Variants in GLRA3 observed in about 807,000 individuals in gnomAD.
GLRA3 encodes glycine receptor alpha 3.
In GLRA3, 44 loss-of-function variants were observed where a neutral mutation model predicts 60.4. The ratio of observed to expected loss-of-function variants is 0.73; its 90% CI spans 0.57 to 0.94. GLRA3 has a LOEUF of 0.94. Ranked by LOEUF, GLRA3 falls within the 40% of genes least tolerant of loss-of-function variation. The probability of loss-of-function intolerance (pLI) is 0.00; values close to 1 mark genes in which losing one functional copy is unlikely to be tolerated. For synonymous variants in GLRA3, 223 were observed against 192.9 expected, an observed-to-expected ratio of 1.16 and a Z score of -1.29; for missense variants, 508 against 564.6, an observed-to-expected ratio of 0.90 and a Z score of 1.02.
At chr4:174,698,190 AT>A (rs1366563718) in intron 5 of GLRA3, among the ~76,000 whole-genome samples, 1 of 151,788 alleles carries the variant, frequency 6.6e-6, no homozygotes, top group African/African-American at 2.4e-5. Context: ...TTTATTTTTG[AT>A]ATATTTATAT....
At chr4:174,673,197 A>G (rs1733977465) in intron 7 of GLRA3, among the ~76,000 whole-genome samples, 1 of 152,110 alleles carries the variant, frequency 6.6e-6, no homozygotes, top group East Asian at 1.9e-4. Flanking sequence ...ATTGCTGTAT[A>G]TTTCAAGATT....
intron 5 of GLRA3, among the ~76,000 whole-genome samples, chr4:174,711,046 ATTTG>A (rs1024027611): frequency 1.1e-4 from 16 of 151,958 alleles, no homozygotes; most frequent in Non-Finnish European, 2.1e-4. Flanking sequence ...GTCATTTAGT[ATTTG>A]TTTTTCATTC....
intron 3 of GLRA3, among the ~76,000 whole-genome samples, chr4:174,741,108 C>G (rs1030930681): frequency 6.6e-6 from 1 of 152,128 alleles, no homozygotes; most frequent in Non-Finnish European, 1.5e-5. Context: ...AGTGAGATTA[C>G]TGGGTCATAT....
At chr4:174,681,709 G>A (rs572298901) in intron 6 of GLRA3, among the ~76,000 whole-genome samples, 1 of 152,268 alleles carries the variant, frequency 6.6e-6, no homozygotes, top group South Asian at 2.1e-4. Context: ...CATTTCTGTT[G>A]TTTTAAGACA....
At chr4:174,711,804 T>A (rs1465052287) in intron 5 of GLRA3, among the ~76,000 whole-genome samples, 1 of 152,194 alleles carries the variant, frequency 6.6e-6, no homozygotes. Context: ...AATTTTTTTC[T>A]GGTTAAAATT....
chr4:174,713,081 A>T (rs1248740494), intron 5 of GLRA3, among the ~76,000 whole-genome samples: 2 of 152,084 alleles, frequency 1.3e-5, no homozygotes, highest in Admixed American at 1.3e-4. Context: ...TTCTACTTTG[A>T]CTGACATTAG....
At chr4:174,724,015 T>C (rs1205895811) in intron 4 of GLRA3, among the ~76,000 whole-genome samples, 1 of 151,340 alleles carries the variant, frequency 6.6e-6, no homozygotes, top group East Asian at 1.9e-4. Flanking sequence ...TATATATGTA[T>C]ATTTTTACAT....
chr4:174,705,162 G>T (rs1294138371), intron 5 of GLRA3, among the ~76,000 whole-genome samples: 1 of 143,884 alleles, frequency 7.0e-6, no homozygotes, highest in Non-Finnish European at 1.5e-5. Context: ...GAGTTAAGAG[G>T]CGAGACCTTT....
chr4:174,661,898 G>T (rs892622207), intron 7 of GLRA3, among the ~76,000 whole-genome samples: 4 of 152,188 alleles, frequency 2.6e-5, no homozygotes, highest in African/African-American at 9.6e-5. Context: ...AGAGTAAAAA[G>T]AAAAGCTACG....
chr4:174,641,005 A>G lies in GLRA3; in HGVS notation c.*2781T>C, dbSNP rs1179189361. On this transcript the variant is annotated 3_prime_UTR_variant, in exon 10 of 10. Transcript: ENST00000274093. ...AGAGCCTCATTATGGTTTAAGTTCA[A>G]TTCTAATGGTTGGGAAAGAAAGAAA... 6.6e-6 allele frequency: 1 copy of G among 152,036 alleles called. No homozygotes were observed. Among genetic ancestry groups the G allele is most frequent in the Middle Eastern group, 3.2e-3 (1 of 312 alleles). 9.4% of individuals were successfully genotyped at this position (152,036 alleles called of 1,614,324 possible).
At chr4:174,732,717 T>G (rs1028656812) in intron 3 of GLRA3, among the ~76,000 whole-genome samples, 2 of 152,064 alleles carry the variant, frequency 1.3e-5, no homozygotes, top group Non-Finnish European at 2.9e-5. Context: ...GCTGGAGATA[T>G]AATGTATGGC....
At chr4:174,717,282 A>G (rs1361040527) in intron 4 of GLRA3, among the ~76,000 whole-genome samples, 6 of 148,930 alleles carry the variant, frequency 4.0e-5, no homozygotes, top group Admixed American at 6.7e-5. Context: ...GAGAGAGAGA[A>G]AGAGAGAGAA....
rs1232395014 is a variant in GLRA3, at chr4:174,641,710, A to C, written c.*2076T>G. On this transcript the variant is annotated 3_prime_UTR_variant, in exon 10 of 10. Transcript: ENST00000274093. ...ATGTCTGTGAATTTCTTTTGGAAGTAAGCATGTTTGCATTCATTATATTTC... is the reference window on the plus strand; with the variant it reads ...ATGTCTGTGAATTTCTTTTGGAAGTCAGCATGTTTGCATTCATTATATTTC... The C allele has an allele frequency of 6.6e-6, 1 of 152,060 alleles. No individual in the cohort carries two copies. The highest frequency in any genetic ancestry group is 1.5e-5 in the Non-Finnish European group (1 of 67,934). The allele number at this position is 152,060 out of a possible 1,614,324, so 9.4% of individuals were successfully genotyped here.
At chr4:174,817,793 G>T (rs557704339) in intron 1 of GLRA3, among the ~76,000 whole-genome samples, 1 of 152,184 alleles carries the variant, frequency 6.6e-6, no homozygotes, top group South Asian at 2.1e-4. Flanking sequence ...TTTTAGTAGA[G>T]ATGGGGTTTC....
At chr4:174,644,855 A>C (rs1732755031) in intron 9 of GLRA3, among the ~76,000 whole-genome samples, 1 of 140,278 alleles carries the variant, frequency 7.1e-6, no homozygotes, top group Non-Finnish European at 1.6e-5. Context: ...ATAAAGAAAA[A>C]TTTAAATAAA....
intron 2 of GLRA3, among the ~76,000 whole-genome samples, chr4:174,769,149 T>C (rs981109146): frequency 1.3e-5 from 2 of 152,106 alleles, no homozygotes; most frequent in Non-Finnish European, 2.9e-5. Flanking sequence ...TTTACCTCAA[T>C]TTCTCTACAT....
rs1313702365 is a variant in GLRA3 at position 174,643,142 on chromosome 4, G to T, written c.*644C>A. On this transcript the variant is annotated 3_prime_UTR_variant, in exon 10 of 10. Coordinates refer to ENST00000274093, the MANE Select transcript of GLRA3 (RefSeq NM_006529.4). ...GAAAAGTAGATTGTGACTGTAACACGATCTCTTGTTATTTGTTTTAAATTT... is the reference window on the plus strand; with the variant it reads ...GAAAAGTAGATTGTGACTGTAACACTATCTCTTGTTATTTGTTTTAAATTT... 2.2e-5 allele frequency: 19 copies of T among 868,802 alleles called. No homozygotes were observed. In the African/African-American group the frequency reaches 2.6e-4, roughly 12 times the overall value. The allele number at this position is 868,802 out of a possible 1,614,324, so 53.8% of individuals were successfully genotyped here. A position where few individuals can be genotyped will look rare whatever the true frequency, so the allele number is the denominator to read the frequency against.
intron 3 of GLRA3, among the ~76,000 whole-genome samples, chr4:174,737,870 T>TC (rs1438839413): frequency 6.6e-6 from 1 of 152,222 alleles, no homozygotes; most frequent in Non-Finnish European, 1.5e-5. Context: ...TTTTCAGAAA[T>TC]TTAAACCACT....
Position 174,767,033 on chromosome 4 carries a change from GA to G in GLRA3, c.200-4del. On this transcript the variant is annotated splice_polypyrimidine_tract_variant and splice_region_variant and intron_variant, in intron 2 of 9. Coordinates refer to ENST00000274093, the MANE Select transcript of GLRA3 (RefSeq NM_006529.4). ...GCATGTGACATTAACTGGAGGGCCT[GA>G]AAAAGAGATGAAAACATAAGGGCTG... 1 of 1,572,018 alleles carries G rather than the reference GA, an allele frequency of 6.4e-7. No individual in the cohort carries two copies. Among genetic ancestry groups the G allele is most frequent in the South Asian group, 1.1e-5 (1 of 89,492 alleles).
Sources: allele counts gnomAD v4.1 joint callset (sites outside exome capture counted in the v4.1 genomes callset), GRCh38; gene constraint gnomAD v4.1.1; transcripts MANE v1.5; gene names NCBI Gene and HGNC (gene_info 2026-07-23, HGNC 2026-07-21).